Variants in TRPM3 observed in about 807,000 individuals in gnomAD.
TRPM3 encodes the protein transient receptor potential cation channel subfamily M member 3.
Under a neutral mutation model 181.2 loss-of-function variants are expected in TRPM3, and 77 were observed. The observed-to-expected ratio is 0.42, with a 90% CI of 0.35 to 0.51. TRPM3 has a LOEUF of 0.51. TRPM3 is among the 20% of genes least tolerant of loss of function. The pLI is 0.01. For synonymous variants in TRPM3, 745 were observed against 796.4 expected, an observed-to-expected ratio of 0.94 and a Z score of 1.09; for missense variants, 1,759 against 2,196.7, an observed-to-expected ratio of 0.80 and a Z score of 3.98.
intron 1 of TRPM3, among the ~76,000 whole-genome samples, chr9:71,088,290 T>C (rs910562776): frequency 2.0e-5 from 3 of 152,078 alleles, no homozygotes; most frequent in South Asian, 2.1e-4. Flanking sequence ...GCTGCTCAAA[T>C]AGATTTTGAA....
intron 12 of TRPM3, among the ~76,000 whole-genome samples, chr9:70,633,283 A>G (rs1408956762): frequency 6.6e-6 from 1 of 152,220 alleles, no homozygotes; most frequent in African/African-American, 2.4e-5. Context: ...GACACATCGA[A>G]TGTGTCTACT....
chr9:70,963,209 A>C (rs2097154151), intron 1 of TRPM3, among the ~76,000 whole-genome samples: 1 of 152,204 alleles, frequency 6.6e-6, no homozygotes, highest in South Asian at 2.1e-4. Context: ...TGGGAAGGAT[A>C]AAAGAGTCAT....
At chr9:70,981,910 C>T (rs1378514301) in intron 1 of TRPM3, among the ~76,000 whole-genome samples, 4 of 152,178 alleles carry the variant, frequency 2.6e-5, no homozygotes, top group African/African-American at 9.7e-5. Flanking sequence ...CAATAAAACA[C>T]TAACAGTGTT....
chr9:70,567,786 C>T (rs1289973817), intron 22 of TRPM3, among the ~76,000 whole-genome samples: 2 of 152,138 alleles, frequency 1.3e-5, no homozygotes, highest in Admixed American at 6.6e-5. Context: ...GGCCAGTATT[C>T]GTGGGGGTAT....
At chr9:70,572,319 C>G (rs1027689775) in intron 22 of TRPM3, among the ~76,000 whole-genome samples, 1 of 152,158 alleles carries the variant, frequency 6.6e-6, no homozygotes, top group African/African-American at 2.4e-5. Context: ...ATTCTTTACC[C>G]AGTCTCCGTT....
intron 1 of TRPM3, among the ~76,000 whole-genome samples, chr9:70,929,013 G>T (rs1408057490): frequency 5.3e-5 from 8 of 152,094 alleles, no homozygotes; most frequent in African/African-American, 1.9e-4. Context: ...CTTCCTCCAT[G>T]GCTTTCTCCA....
chr9:70,684,788 G>T (rs2066346289), intron 8 of TRPM3, among the ~76,000 whole-genome samples: 1 of 152,232 alleles, frequency 6.6e-6, no homozygotes, highest in African/African-American at 2.4e-5. Flanking sequence ...AATCTTATTT[G>T]CTAATACTTT....
chr9:70,903,438 A>G (rs560234444), intron 1 of TRPM3, among the ~76,000 whole-genome samples: 1 of 152,194 alleles, frequency 6.6e-6, no homozygotes, highest in East Asian at 1.9e-4. Flanking sequence ...GTGTGAATGG[A>G]GCTTCCATCC....
intron 12 of TRPM3, among the ~76,000 whole-genome samples, chr9:70,632,182 T>C (rs962389547): frequency 1.3e-5 from 2 of 152,232 alleles, no homozygotes; most frequent in Non-Finnish European, 2.9e-5. Context: ...ATTTTAACTC[T>C]AGTTTTGTAG....
chr9:71,121,325 A>G lies in TRPM3; in HGVS notation c.30T>C (p.Phe10=). The change falls in exon 1 of 26, where the codon TTT becomes TTC. Residue 10 remains phenylalanine (F), a synonymous_variant. Transcript: ENST00000677713. MPEPWGTVY[F]LGIAQVFSFL... ...AACTGAAAACCTGAGCAATGCCTAGAAAATAAACGGTCCCCCACGGCTCTG... is the reference window on the plus strand; with the variant it reads ...AACTGAAAACCTGAGCAATGCCTAGGAAATAAACGGTCCCCCACGGCTCTG... 1 of 1,614,026 alleles carries G rather than the reference A, an allele frequency of 6.2e-7. No individual in the cohort carries two copies. Among genetic ancestry groups the G allele is most frequent in the Non-Finnish European group, 8.5e-7 (1 of 1,179,996 alleles).
intron 19 of TRPM3, among the ~76,000 whole-genome samples, chr9:70,606,054 G>T (rs1478366563): frequency 6.6e-6 from 1 of 152,214 alleles, no homozygotes; most frequent in African/African-American, 2.4e-5. Context: ...AGATATCAGT[G>T]AAGCTTGGAT....
chr9:71,189,204 GAA>G (rs2077864012), intron 1 of TRPM3, among the ~76,000 whole-genome samples: 2 of 151,748 alleles, frequency 1.3e-5, no homozygotes, highest in Non-Finnish European at 2.9e-5. Flanking sequence ...CACCCAAAAA[GAA>G]AAAGACTTCT....
At chr9:70,693,637 G>C (rs72614623) in intron 8 of TRPM3, among the ~76,000 whole-genome samples, 22,928 of 152,140 alleles carry the variant, frequency 0.15, 2,285 homozygotes, top group East Asian at 0.39. Context: ...GTATCATAAA[G>C]TGCTATAGAC....
intron 1 of TRPM3, among the ~76,000 whole-genome samples, chr9:71,139,953 C>A (rs2074998892): frequency 6.6e-6 from 1 of 152,138 alleles, no homozygotes; most frequent in Non-Finnish European, 1.5e-5. Context: ...AGCATCCAAG[C>A]TCTCTTGCAG....
rs1314779005 is a variant in TRPM3, at chr9:71,419,754, A to G, written c.183+26899T>C. 2.0e-5 allele frequency among the ~76,000 whole-genome samples: 3 copies of G among 151,922 alleles called. No individual in the cohort carries two copies. In the East Asian group the frequency reaches 5.8e-4, roughly 29 times the overall value. On this transcript the variant is annotated intron_variant, in intron 1 of 24. Coordinates refer to the TRPM3 transcript ENST00000357533. ...TTATGCACATTTTACCACAATTAAA[A>G]CAGTTGAAATACACTATAAAAAGGG...
chr9:71,405,075 G>A (rs946550802), intron 1 of TRPM3, among the ~76,000 whole-genome samples: 2 of 152,084 alleles, frequency 1.3e-5, no homozygotes. Flanking sequence ...TCTAAGGCAT[G>A]GATTCTATCT....
chr9:70,779,011 C>G (rs1169951280), intron 7 of TRPM3, among the ~76,000 whole-genome samples: 6 of 152,072 alleles, frequency 3.9e-5, no homozygotes, highest in Non-Finnish European at 8.8e-5. Context: ...TAATTTGAAG[C>G]CATACAACAT....
chr9:70,618,937 G>A lies in TRPM3; in HGVS notation c.2288C>T (p.Thr763Met), dbSNP rs372046498. Residue 763 changes from threonine to methionine, a missense_variant, in exon 17 of 26, where the codon ACG (threonine) becomes ATG (methionine). Physicochemically the swap from Thr to Met is moderately conservative, Grantham distance 81. Around this residue, in one of 8 missense-constraint regions of TRPM3, gnomAD observed 4 missense variants for 23.1 expected, o/e 0.17. Coordinates refer to ENST00000677713, the MANE Select transcript of TRPM3 (RefSeq NM_001366145.2). ...AAKHRDFIAHTCSQMLLTDMW... is the reference protein window; with the variant it reads ...AAKHRDFIAHMCSQMLLTDMW... ...GTCGGTGAGCAGCATCTGGCTGCAC[G>A]TGTGCGCGATGAAGTCGCGGTGTTT... 4 of 1,613,488 alleles carry A rather than the reference G, an allele frequency of 2.5e-6. No individual in the cohort carries two copies. In the South Asian group the frequency reaches 3.3e-5, roughly 13 times the overall value.
At chr9:70,612,619 GAA>G (rs1365320721) in intron 18 of TRPM3, among the ~76,000 whole-genome samples, 4 of 152,112 alleles carry the variant, frequency 2.6e-5, no homozygotes, top group African/African-American at 4.8e-5. Flanking sequence ...ACTCCGGCTG[GAA>G]AAGTCCCTTG....
Sources: gnomAD v4.1 joint callset for allele counts (sites outside exome capture counted in the v4.1 genomes callset) on GRCh38, gnomAD v4.1.1 for gene constraint, gnomAD v4.1.1 regional missense constraint, MANE v1.5 for transcripts, NCBI Gene and HGNC (gene_info 2026-07-23, HGNC 2026-07-21) for gene names.